Variants in TMEM117 observed in about 807,000 individuals in gnomAD.
The protein encoded by TMEM117 is transmembrane protein 117.
A neutral mutation model predicts 52.4 loss-of-function variants in TMEM117; 27 were observed. The observed-to-expected ratio is 0.51, with a 90% CI of 0.38 to 0.71. TMEM117 has a LOEUF of 0.71. Among genes scored for constraint, TMEM117 ranks in the 30% least tolerant of loss-of-function variants. The probability of loss-of-function intolerance (pLI) is 0.00; values close to 1 mark genes in which losing one functional copy is unlikely to be tolerated. For missense variants in TMEM117, 556 were observed against 630.5 expected (o/e 0.88, Z 1.26); for synonymous variants, 215 against 206.3 (o/e 1.04, Z -0.36).
intron 2 of TMEM117, among the ~76,000 whole-genome samples, chr12:43,913,564 C>G: frequency 6.6e-6 from 1 of 152,218 alleles, no homozygotes; most frequent in Middle Eastern, 3.4e-3. Flanking sequence ...AAACTGGGGA[C>G]AGAGAGAGGA....
chr12:44,079,020 T>TG (rs549955585), intron 3 of TMEM117, among the ~76,000 whole-genome samples: 103 of 152,236 alleles, frequency 6.8e-4, no homozygotes, highest in African/African-American at 2.3e-3. Context: ...GCTTCATCTA[T>TG]GTCCCTGCAA....
chr12:43,798,359 CT>C, the TMEM117 span, among the ~76,000 whole-genome samples: 1 of 151,944 alleles, frequency 6.6e-6, no homozygotes, highest in Non-Finnish European at 1.5e-5. Flanking sequence ...TGTGCATGTA[CT>C]GGAAGAGGAG....
At chr12:44,317,457 C>T (rs1433672332) in intron 6 of TMEM117, among the ~76,000 whole-genome samples, 1 of 151,930 alleles carries the variant, frequency 6.6e-6, no homozygotes, top group Non-Finnish European at 1.5e-5. Context: ...GCAAATGGCG[C>T]AATCTCAGCT....
rs1001557022 is a variant in TMEM117, at chr12:43,952,093, GCAA to G, written c.410+7761_410+7763del. ...CAAACAGAAAGCAACAATAACAACAGCAACAACAACAAAAAAGACCCCACAAAA... is the reference window on the plus strand; with the variant it reads ...CAAACAGAAAGCAACAATAACAACAGCAACAACAAAAAAGACCCCACAAAA... On this transcript the variant is annotated intron_variant, in intron 3 of 7. Coordinates refer to ENST00000266534, the MANE Select transcript of TMEM117 (RefSeq NM_032256.3). Among the ~76,000 whole-genome samples, 6 of 152,132 alleles carry G rather than the reference GCAA, an allele frequency of 3.9e-5. 1 individual carries two copies. In the East Asian group the frequency reaches 9.7e-4, roughly 25 times the overall value.
intron 6 of TMEM117, among the ~76,000 whole-genome samples, chr12:44,320,523 C>A (rs553827462): frequency 6.6e-6 from 1 of 152,316 alleles, no homozygotes; most frequent in African/African-American, 2.4e-5. Flanking sequence ...TTATCACCAC[C>A]TTCCCTCTCC....
rs555910713 is a variant in TMEM117 at position 44,225,396 on chromosome 12, T to G, written c.608+14009T>G. Among the ~76,000 whole-genome samples, 53 of 152,280 alleles carry G rather than the reference T, an allele frequency of 3.5e-4. No homozygotes were observed. In the South Asian group the frequency reaches 3.9e-3, roughly 11 times the overall value. On this transcript the variant is annotated intron_variant, in intron 5 of 7. Coordinates refer to ENST00000266534, the MANE Select transcript of TMEM117 (RefSeq NM_032256.3). ...TACCGCAGTTGCATTGCAAAAATAG[T>G]GCAGTGATACAGTTTCTGGAATTAA...
chr12:44,148,589 A>AT (rs1948678855), intron 4 of TMEM117, among the ~76,000 whole-genome samples: 1 of 152,032 alleles, frequency 6.6e-6, no homozygotes, highest in Admixed American at 6.5e-5. Context: ...TACACTTTGT[A>AT]TTTTTTCAGA....
chr12:43,950,820 G>C (rs761319864), intron 3 of TMEM117, among the ~76,000 whole-genome samples: 4 of 152,254 alleles, frequency 2.6e-5, no homozygotes, highest in Admixed American at 2.0e-4. Flanking sequence ...TCAGTTTAAT[G>C]ATCTCTTGTG....
chr12:43,961,470 TTA>T (rs1220605682), intron 3 of TMEM117, among the ~76,000 whole-genome samples: 5 of 152,186 alleles, frequency 3.3e-5, no homozygotes, highest in Non-Finnish European at 5.9e-5. Context: ...TTAAAGATAC[TTA>T]TAGAGTGAAA....
chr12:43,857,369 T>G (rs2137388518), intron 2 of TMEM117, among the ~76,000 whole-genome samples: 1 of 151,422 alleles, frequency 6.6e-6, no homozygotes, highest in South Asian at 2.1e-4. Flanking sequence ...ACCAAGGGAC[T>G]CTTTTCTTAC....
chr12:44,280,950 G>A (rs560692993), intron 5 of TMEM117, among the ~76,000 whole-genome samples: 122 of 150,184 alleles, frequency 8.1e-4, no homozygotes, highest in Non-Finnish European at 1.3e-3. Flanking sequence ...TGATGAGTGG[G>A]TCCCCCAATC....
chr12:43,831,826 A>AT (rs1942984380), upstream of TMEM117, among the ~76,000 whole-genome samples: 1 of 152,092 alleles, frequency 6.6e-6, no homozygotes, highest in Non-Finnish European at 1.5e-5. Flanking sequence ...TACAGGAGTG[A>AT]GCCACCGTGC....
At chr12:44,049,660 TA>T (rs1946938925) in intron 3 of TMEM117, among the ~76,000 whole-genome samples, 2 of 152,174 alleles carry the variant, frequency 1.3e-5, no homozygotes, top group African/African-American at 4.8e-5. Context: ...ATGCTATATT[TA>T]TGTGTTAAGA....
chr12:43,995,960 T>G (rs1204094601), intron 3 of TMEM117, among the ~76,000 whole-genome samples: 1 of 152,228 alleles, frequency 6.6e-6, no homozygotes, highest in African/African-American at 2.4e-5. Context: ...AGAAAGCTTG[T>G]AGAACTTTGT....
intron 2 of TMEM117, among the ~76,000 whole-genome samples, chr12:43,936,611 A>C (rs995280786): frequency 1.1e-4 from 16 of 152,230 alleles, no homozygotes; most frequent in Non-Finnish European, 2.2e-4. Context: ...AGGGATGCCC[A>C]AAATGGTGAC....
intron 3 of TMEM117, among the ~76,000 whole-genome samples, chr12:43,997,837 G>C (rs559610010): frequency 6.6e-6 from 1 of 152,266 alleles, no homozygotes; most frequent in African/African-American, 2.4e-5. Context: ...TGAGGAAACT[G>C]AGCCTCAGAG....
intron 7 of TMEM117, among the ~76,000 whole-genome samples, chr12:44,379,035 G>A (rs564381654): frequency 1.2e-4 from 18 of 152,158 alleles, no homozygotes; most frequent in African/African-American, 3.9e-4. Flanking sequence ...TATAGTCCTG[G>A]CACTTTGGGA....
intron 3 of TMEM117, among the ~76,000 whole-genome samples, chr12:44,141,784 G>A (rs1192249898): frequency 6.6e-6 from 1 of 152,090 alleles, no homozygotes; most frequent in African/African-American, 2.4e-5. Flanking sequence ...GAATAACTTG[G>A]GGGCTTTCAA....
chr12:44,322,007 G>A (rs1441535904), intron 6 of TMEM117, among the ~76,000 whole-genome samples: 1 of 152,202 alleles, frequency 6.6e-6, no homozygotes, highest in Admixed American at 6.5e-5. Flanking sequence ...CTCATAAAAT[G>A]AGATTTTTTT....
Sources: gnomAD v4.1 joint callset for allele counts (sites outside exome capture counted in the v4.1 genomes callset) on GRCh38, gnomAD v4.1.1 for gene constraint, MANE v1.5 for transcripts, NCBI Gene and HGNC (gene_info 2026-07-23, HGNC 2026-07-21) for gene names.